Variants in DET1 observed in about 807,000 individuals in gnomAD.
The protein encoded by DET1 is DET1 homolog.
Under a neutral mutation model 43.7 loss-of-function variants are expected in DET1, and 22 were observed. That is an observed-to-expected ratio of 0.50 (90% CI 0.36 to 0.72). The LOEUF is 0.72. Among genes scored for constraint, DET1 ranks in the 30% least tolerant of loss-of-function variants. The pLI, the probability that DET1 is intolerant of heterozygous loss-of-function variation, is 0.00. For synonymous variants in DET1, 315 were observed against 266.2 expected (o/e 1.18, Z -1.79); for missense variants, 713 against 713.3 (o/e 1.00, Z 0.00).
At chr15:88,546,008 T>C (rs1380311103) in intron 1 of DET1, among the ~76,000 whole-genome samples, 2 of 151,762 alleles carry the variant, frequency 1.3e-5, no homozygotes, top group African/African-American at 2.4e-5. Context: ...TTTACTTTCC[T>C]GTAACCATTT....
intron 1 of DET1, among the ~76,000 whole-genome samples, chr15:88,537,759 A>T (rs1250517501): frequency 6.6e-6 from 1 of 152,118 alleles, no homozygotes; most frequent in Non-Finnish European, 1.5e-5. Flanking sequence ...TTCTGTGTCA[A>T]CTCAGGCATC....
chr15:88,534,974 G>A (rs539256434), intron 1 of DET1, among the ~76,000 whole-genome samples: 71 of 152,324 alleles, frequency 4.7e-4, no homozygotes, highest in Admixed American at 1.1e-3. Flanking sequence ...AGACACCAAT[G>A]TTGAGATGCT....
intron 3 of DET1, among the ~76,000 whole-genome samples, chr15:88,524,113 T>C (rs7178032): frequency 0.7 from 103,584 of 147,698 alleles, 36,128 homozygotes; most frequent in South Asian, 0.8. Flanking sequence ...ATGTGAGGAG[T>C]GCCTCTGCCC....
At chr15:88,538,252 G>A (rs1341227200) in intron 1 of DET1, among the ~76,000 whole-genome samples, 6 of 151,054 alleles carry the variant, frequency 4.0e-5, no homozygotes, top group Admixed American at 2.6e-4. Context: ...GACTTAACTT[G>A]TGCAAGCTGA....
At chr15:88,512,158 A>G (rs2056212568), downstream of DET1, among the ~76,000 whole-genome samples, 1 of 152,174 alleles carries the variant, frequency 6.6e-6, no homozygotes, top group Non-Finnish European at 1.5e-5. Context: ...GCTACACAGT[A>G]TTTGTTTCTG....
intron 3 of DET1, among the ~76,000 whole-genome samples, chr15:88,526,147 C>G (rs2056656849): frequency 6.6e-6 from 1 of 152,220 alleles, no homozygotes. Flanking sequence ...AAACGCAAGA[C>G]AGTTGTCTGA....
chr15:88,515,297 T>C (rs34866848), intron 4 of DET1, among the ~76,000 whole-genome samples: 33,960 of 151,792 alleles, frequency 0.22, 4,670 homozygotes, highest in Middle Eastern at 0.35. Context: ...CCCAGCACTT[T>C]GGGAGGCTGA....
chr15:88,539,694 C>T (rs2057052619), intron 1 of DET1, among the ~76,000 whole-genome samples: 1 of 152,094 alleles, frequency 6.6e-6, no homozygotes, highest in African/African-American at 2.4e-5. Flanking sequence ...TCAGGCTGGC[C>T]ACCACAGTCC....
At chr15:88,513,217 A>G in intron 4 of DET1, 77 bp from the exon 5 acceptor site, 1 of 1,423,080 alleles carries the variant, frequency 7.0e-7, no homozygotes, top group Non-Finnish European at 9.4e-7. Flanking sequence ...TCTAGACAGC[A>G]GGGGAATGTG....
At chr15:88,535,718 T>C in intron 1 of DET1, among the ~76,000 whole-genome samples, 1 of 150,474 alleles carries the variant, frequency 6.6e-6, no homozygotes, top group East Asian at 2.0e-4. Context: ...ATCATGCCAC[T>C]GCACTCCAGC....
chr15:88,517,814 T>G (rs1214633880), intron 3 of DET1, among the ~76,000 whole-genome samples: 4 of 152,356 alleles, frequency 2.6e-5, no homozygotes, highest in East Asian at 3.9e-4. Context: ...TAGCTACCTA[T>G]ATTCCTGCAG....
At chr15:88,511,337 A>T (rs757203659), downstream of DET1, 4 of 905,318 alleles carry the variant, frequency 4.4e-6, no homozygotes, top group Non-Finnish European at 5.3e-6. Flanking sequence ...CCTGCACAAG[A>T]CCTCTCTTCC....
chr15:88,533,667 A>C (rs531568829), intron 1 of DET1, among the ~76,000 whole-genome samples: 2 of 152,130 alleles, frequency 1.3e-5, no homozygotes, highest in Non-Finnish European at 2.9e-5. Context: ...GTGAAGTCAA[A>C]TAAGCCAATC....
Position 88,516,665 on chromosome 15 carries a change from A to G in DET1, c.1463+117T>C, listed in dbSNP as rs2056352249. On this transcript the variant is annotated intron_variant, in intron 4 of 4. Coordinates refer to ENST00000268148, the MANE Select transcript of DET1 (RefSeq NM_001144074.3). This position sits in a 1 kb window ranked among gnomAD's most constrained non-coding sequence, Gnocchi z 4.4. The stretch of plus-strand genomic sequence containing the variant: ...ATTATAGAAATAGCCTGCCTTTTCA[A>G]CCTTACCCATGAGTACGAGTCACAG... The G allele has an allele frequency of 1.1e-6, 1 of 903,698 alleles. No homozygotes were observed. Among genetic ancestry groups the G allele is most frequent in the African/African-American group, 1.7e-5 (1 of 57,232 alleles). 56.0% of individuals were successfully genotyped at this position (903,698 alleles called of 1,614,324 possible).
chr15:88,530,870 C>A lies in DET1; in HGVS notation c.836G>T (p.Ser279Ile), dbSNP rs754018534. ...SAVFPEVQRD[S>I]QTGMANPFRD... ...AAAGGGATTGGCCATGCCTGTCTGA[C>A]TGTCCCGCTGTACCTCAGGGAAAAC... Residue 279 changes from serine to isoleucine, a missense_variant, in exon 2 of 5, where the codon AGT becomes ATT. Coordinates refer to ENST00000268148, the MANE Select transcript of DET1 (RefSeq NM_001144074.3). The A allele has an allele frequency of 1.1e-5, 18 of 1,613,910 alleles. No homozygotes were observed. The highest frequency in any genetic ancestry group is 1.7e-6 in the Non-Finnish European group (2 of 1,179,894).
chr15:88,532,245 A>G (rs1424578365), intron 1 of DET1, among the ~76,000 whole-genome samples: 1 of 152,166 alleles, frequency 6.6e-6, no homozygotes, highest in Non-Finnish European at 1.5e-5. Context: ...CGAAGCTGCA[A>G]TAAGCCGTGG....
chr15:88,529,671 C>G (rs546634197), intron 2 of DET1, among the ~76,000 whole-genome samples: 1 of 152,314 alleles, frequency 6.6e-6, no homozygotes, highest in African/African-American at 2.4e-5. Flanking sequence ...ATACCAAACT[C>G]AGTTGACTTC....
In DET1 at chr15:88,531,386, T is replaced by C. The variant is rs774149011; in HGVS notation, c.320A>G (p.Asn107Ser). 1.6e-5 allele frequency: 26 copies of C among 1,614,030 alleles called. No individual in the cohort carries two copies. The highest frequency in any genetic ancestry group is 2.0e-5 in the Non-Finnish European group (24 of 1,179,896). The change falls in exon 2 of 5, where the codon AAT (asparagine) becomes AGT (serine). Residue 107 changes from asparagine (N) to serine (S), a missense_variant. Asn to Ser is a conservative substitution (Grantham distance 46). Transcript: ENST00000268148. The surrounding 1 kb of genome is among the most constrained non-coding windows in gnomAD (Gnocchi z 6.2). ...ATTCACTGACCGCTGGTCATTGCCA[T>C]TGGACAGGATTTCTCCTTCGTATCC... ...LQGYEGEILS[N>S]GNDQRSVNIR...
chr15:88,535,439 A>C (rs929842063), intron 1 of DET1, among the ~76,000 whole-genome samples: 49 of 47,888 alleles, frequency 1.0e-3, no homozygotes, highest in African/African-American at 2.3e-3. Context: ...GAATGCTAAG[A>C]AAAAAAAAAA....
Sources: allele counts gnomAD v4.1 joint callset (sites outside exome capture counted in the v4.1 genomes callset), GRCh38; gene constraint gnomAD v4.1.1; non-coding constraint Gnocchi (gnomAD v3.1); transcripts MANE v1.5; gene names NCBI Gene and HGNC (gene_info 2026-07-23, HGNC 2026-07-21).